The following DNAAF10 variants were observed in gnomAD, a reference collection of about 807,000 sequenced individuals.
The protein encoded by DNAAF10 is dynein axonemal assembly factor 10.
A neutral mutation model predicts 43.7 loss-of-function variants in DNAAF10; 28 were observed. The ratio of observed to expected loss-of-function variants is 0.64; its 90% confidence interval spans 0.48 to 0.88. The LOEUF (loss-of-function observed/expected upper bound fraction) is 0.88. Among genes scored for constraint, DNAAF10 ranks in the 40% least tolerant of loss-of-function variants. The pLI, the probability that DNAAF10 is intolerant of heterozygous loss-of-function variation, is 0.00. For synonymous variants in DNAAF10, 156 were observed against 157.3 expected (o/e 0.99, Z 0.06); for missense variants, 403 against 439.1 (o/e 0.92, Z 0.73).
intron 3 of DNAAF10, among the ~76,000 whole-genome samples, chr2:68,143,925 C>T (rs1446075859): frequency 6.6e-6 from 1 of 152,170 alleles, no homozygotes. Context: ...AATTATATCT[C>T]ACTTTTCCTT....
chr2:68,133,482 G>A (rs1672967805), intron 7 of DNAAF10, among the ~76,000 whole-genome samples: 2 of 152,168 alleles, frequency 1.3e-5, no homozygotes, highest in Non-Finnish European at 2.9e-5. Flanking sequence ...GCTGGGTGCA[G>A]TGGCTCACAC....
chr2:68,151,468 C>T (rs1673455959), intron 1 of DNAAF10, among the ~76,000 whole-genome samples: 1 of 152,208 alleles, frequency 6.6e-6, no homozygotes, highest in Non-Finnish European at 1.5e-5. Flanking sequence ...CTGTCACTCA[C>T]CCTGTTTAAT....
chr2:68,153,408 A>C lies in DNAAF10; in HGVS notation c.183+3853T>G, dbSNP rs1218322336. On this transcript the variant is annotated intron_variant, in intron 1 of 7. Transcript: ENST00000295121. ...TTTGGAGCACATGACTTAAGGGTAG[A>C]TCTACGATGATACATCAAGTCTGTT... is the stretch of plus-strand genomic sequence containing the variant. Among the ~76,000 whole-genome samples, 7 of 151,736 alleles carry C rather than the reference A, an allele frequency of 4.6e-5. No individual in the cohort carries two copies. The South Asian group carries it at 1.0e-3, about 23-fold the overall frequency.
intron 3 of DNAAF10, 72 bp downstream of exon 3, chr2:68,144,513 G>A (rs1673266539): frequency 1.1e-5 from 18 of 1,567,292 alleles, no homozygotes; most frequent in Non-Finnish European, 1.5e-5. Flanking sequence ...TTTTTACTCA[G>A]AGAGGATGTA....
At chr2:68,134,655 C>T in intron 7 of DNAAF10, 47 bp downstream of exon 7, 4 of 1,588,814 alleles carry the variant, frequency 2.5e-6, no homozygotes, top group African/African-American at 1.4e-5. Context: ...TCCTACTTTA[C>T]ACCCACAGGT....
chr2:68,156,884 C>G (rs750597365), intron 1 of DNAAF10: 2 of 257,094 alleles, frequency 7.8e-6, no homozygotes, highest in Non-Finnish European at 1.5e-5. Context: ...AACTGAGTAT[C>G]TCTCCCACTA....
chr2:68,157,431 C>T lies in DNAAF10; in HGVS notation c.13G>A (p.Glu5Lys), dbSNP rs1673659271. ...ATATGGGCGATGATCTGAGGCTTCT[C>T]GAAGGCCGACATGGTGCAGCCAATT... MSAF[E>K]KPQIIAHIQK... is the part of the protein sequence containing the mutation. Residue 5 changes from glutamate to lysine, a missense_variant, in exon 1 of 8, where the codon GAG (glutamate) becomes AAG (lysine). Transcript: ENST00000295121. 3 of 1,614,026 alleles carry T rather than the reference C, an allele frequency of 1.9e-6. No individual in the cohort carries two copies. Among genetic ancestry groups the T allele is most frequent in the African/African-American group, 1.3e-5 (1 of 74,900 alleles).
chr2:68,142,419 G>A (rs1473429187), intron 3 of DNAAF10, among the ~76,000 whole-genome samples: 1 of 151,958 alleles, frequency 6.6e-6, no homozygotes, highest in Admixed American at 6.6e-5. Context: ...ACCACGCCCA[G>A]CTAAATTTTG....
chr2:68,144,332 T>G (rs369519275), intron 3 of DNAAF10, among the ~76,000 whole-genome samples: 12 of 152,222 alleles, frequency 7.9e-5, no homozygotes, highest in Admixed American at 7.2e-4. Context: ...GAAACCATCA[T>G]TGTTAGTAGC....
At chr2:68,155,267 G>A (rs1673566249) in intron 1 of DNAAF10, among the ~76,000 whole-genome samples, 1 of 152,072 alleles carries the variant, frequency 6.6e-6, no homozygotes, top group Admixed American at 6.5e-5. Flanking sequence ...CAAGGCGGGT[G>A]GATCACCTAA....
Position 68,131,044 on chromosome 2 carries a change from T to C in DNAAF10, c.*194A>G. On this transcript the variant is annotated 3_prime_UTR_variant, in exon 8 of 8. Coordinates refer to ENST00000295121, the MANE Select transcript of DNAAF10 (RefSeq NM_138458.4). ...CATTCTCCTGCCTCAGCCTCCCAAGTAGCTAGGACTACAGATGCCCGCCAT... is the reference window on the plus strand; with the variant it reads ...CATTCTCCTGCCTCAGCCTCCCAAGCAGCTAGGACTACAGATGCCCGCCAT... 1 of 442,980 alleles carries C rather than the reference T, an allele frequency of 2.3e-6. No homozygotes were observed. The highest frequency in any genetic ancestry group is 2.3e-5 in the South Asian group (1 of 43,078). 27.4% of individuals were successfully genotyped at this position (442,980 alleles called of 1,614,324 possible).
At chr2:68,138,926 C>A in intron 4 of DNAAF10, 69 bp from the exon 5 acceptor site, 1 of 1,072,554 alleles carries the variant, frequency 9.3e-7, no homozygotes, top group South Asian at 1.3e-5. Context: ...TTAAAAAAGT[C>A]TTATGAAACT....
intron 1 of DNAAF10, among the ~76,000 whole-genome samples, chr2:68,155,228 A>C (rs1229330155): frequency 6.6e-6 from 1 of 152,156 alleles, no homozygotes; most frequent in Middle Eastern, 3.2e-3. Flanking sequence ...GCAATGGCTC[A>C]TGTCTGTAAT....
intron 3 of DNAAF10, among the ~76,000 whole-genome samples, chr2:68,143,117 C>T (rs536456459): frequency 6.6e-6 from 1 of 151,940 alleles, no homozygotes; most frequent in Admixed American, 6.6e-5. Flanking sequence ...CCCACCTCAG[C>T]CTCCCAAGTG....
intron 1 of DNAAF10, 130 bp from the exon 2 acceptor site, chr2:68,147,697 T>C (rs1472980288): frequency 1.7e-6 from 1 of 587,548 alleles, no homozygotes; most frequent in Non-Finnish European, 2.7e-6. Context: ...AAACATCTTC[T>C]GATGAAAATA....
Position 68,130,107 on chromosome 2 carries a change from G to GATATATATTTATATATATATAT in DNAAF10, c.*1130_*1131insATATATATATATAAATATATAT. The stretch of plus-strand genomic sequence containing the variant: ...ATCTAGACCAACCGTGCCGTTTTGA[G>GATATATATTTATATATATATAT]AGAGAGAGATATATATATATATATT... On this transcript the variant is annotated 3_prime_UTR_variant, in exon 8 of 8. Transcript: ENST00000295121. 8.3e-6 allele frequency: 1 copy of GATATATATTTATATATATATAT among 120,408 alleles called. No homozygotes were observed. Among genetic ancestry groups the GATATATATTTATATATATATAT allele is most frequent in the South Asian group, 2.4e-4 (1 of 4,126 alleles). The allele number at this position is 120,408 out of a possible 1,614,324, so 7.5% of individuals were successfully genotyped here.
At chr2:68,132,605 A>C (rs1173768550) in intron 7 of DNAAF10, among the ~76,000 whole-genome samples, 2 of 152,258 alleles carry the variant, frequency 1.3e-5, no homozygotes, top group Non-Finnish European at 2.9e-5. Flanking sequence ...TCAAAAAACA[A>C]GTCGTGAATA....
intron 7 of DNAAF10, among the ~76,000 whole-genome samples, chr2:68,133,416 AG>A (rs1672966045): frequency 6.6e-6 from 1 of 151,930 alleles, no homozygotes; most frequent in African/African-American, 2.4e-5. Flanking sequence ...TTGTATTTTT[AG>A]TAGAGACCCG....
At chr2:68,156,974 T>A (rs1673635305) in intron 1 of DNAAF10, 3 of 481,170 alleles carry the variant, frequency 6.2e-6, no homozygotes, top group African/African-American at 5.8e-5. Context: ...GCCTGTCGAA[T>A]GTGTTAGGTT....
Sources: gnomAD v4.1 joint callset for allele counts (sites outside exome capture counted in the v4.1 genomes callset) on GRCh38, gnomAD v4.1.1 for gene constraint, MANE v1.5 for transcripts, NCBI Gene and HGNC (gene_info 2026-07-23, HGNC 2026-07-21) for gene names.